Variants in PCDH15 observed in about 807,000 individuals in gnomAD.
The protein encoded by PCDH15 is protocadherin related 15, also known as protocadherin-15.
PCDH15 carries 129 observed loss-of-function variants against 178.5 expected under a neutral mutation model. The ratio of observed to expected loss-of-function variants is 0.72; its 90% CI spans 0.63 to 0.84. The LOEUF (loss-of-function observed/expected upper bound fraction) is 0.84, where lower values mean the gene tolerates loss of function less well. Among genes scored for constraint, PCDH15 ranks in the 40% least tolerant of loss-of-function variants. PCDH15 has a pLI of 0.00. For synonymous variants in PCDH15, 800 were observed against 732.0 expected (o/e 1.09, Z -1.50); for missense variants, 2,230 against 2,099.9 (o/e 1.06, Z -1.21).
Position 53,827,483 on chromosome 10 carries a change from A to C in PCDH15, c.4277T>G (p.Val1426Gly). ...CGCTGCCACTGGTGCAGGAGCCGGC[A>C]CTGCTGGTTTAGCCGCGGGTAATGC... ...QAALPAAKPA[V>G]PAPAPVAAPP... Residue 1426 changes from valine to glycine, a missense_variant, in exon 32 of 38, where the codon GTG becomes GGG. Physicochemically the swap from Val to Gly is moderately radical, Grantham distance 109. Transcript: ENST00000644397. The C allele has an allele frequency of 6.2e-7, 1 of 1,614,090 alleles. No individual in the cohort carries two copies. The highest frequency in any genetic ancestry group is 2.2e-5 in the East Asian group (1 of 44,870).
At chr10:53,894,822 T>C (rs1178346209) in intron 26 of PCDH15, among the ~76,000 whole-genome samples, 14 of 152,152 alleles carry the variant, frequency 9.2e-5, no homozygotes, top group Admixed American at 9.2e-4. Context: ...AAGATATCTG[T>C]GGCACAGAGT....
chr10:54,385,389 T>C (rs1286830020), intron 3 of PCDH15, among the ~76,000 whole-genome samples: 2 of 152,168 alleles, frequency 1.3e-5, no homozygotes. Context: ...AAAAATGTTT[T>C]GTTTCTATAG....
At chr10:54,526,826 T>A (rs994684963) in intron 3 of PCDH15, among the ~76,000 whole-genome samples, 1 of 152,162 alleles carries the variant, frequency 6.6e-6, no homozygotes, top group Admixed American at 6.5e-5. Flanking sequence ...AAAAGGAGCA[T>A]CTGTAATGCA....
At chr10:54,630,187 G>C (rs1565798317) in intron 2 of PCDH15, among the ~76,000 whole-genome samples, 2 of 152,242 alleles carry the variant, frequency 1.3e-5, no homozygotes, top group African/African-American at 4.8e-5. Flanking sequence ...TATGGAACTA[G>C]AAAAGAGCTT....
chr10:54,396,210 T>A (rs1389673126), intron 3 of PCDH15, among the ~76,000 whole-genome samples: 4 of 152,196 alleles, frequency 2.6e-5, no homozygotes, highest in African/African-American at 4.8e-5. Flanking sequence ...ACTTAGCCTT[T>A]ATCTGCCTTT....
chr10:55,177,899 G>A (rs971800074), intron 1 of PCDH15, among the ~76,000 whole-genome samples: 3 of 152,132 alleles, frequency 2.0e-5, no homozygotes, highest in African/African-American at 7.2e-5. Flanking sequence ...GATCCATAAA[G>A]CAGGGTATGC....
chr10:54,302,918 C>A (rs2060228819), intron 8 of PCDH15, among the ~76,000 whole-genome samples: 1 of 152,158 alleles, frequency 6.6e-6, no homozygotes, highest in South Asian at 2.1e-4. Flanking sequence ...CAAAGTGTTT[C>A]ATGTACCCCA....
chr10:55,377,178 A>G (rs1837413791), intron 2 of PCDH15, among the ~76,000 whole-genome samples: 1 of 150,928 alleles, frequency 6.6e-6, no homozygotes, highest in Non-Finnish European at 1.5e-5. Flanking sequence ...AGAAAAACAG[A>G]CTGGAAGTAC....
At chr10:54,890,933 G>A (rs1220632188) in intron 3 of PCDH15, among the ~76,000 whole-genome samples, 1 of 151,924 alleles carries the variant, frequency 6.6e-6, no homozygotes, top group Non-Finnish European at 1.5e-5. Context: ...ATGCTTAATT[G>A]TACATATACA....
intron 20 of PCDH15, among the ~76,000 whole-genome samples, chr10:54,019,656 T>C (rs1051238003): frequency 5.3e-5 from 8 of 152,200 alleles, no homozygotes; most frequent in South Asian, 4.1e-4. Flanking sequence ...TTATAATAAA[T>C]GGGATAACAA....
At chr10:53,968,409 G>T (rs2089286089) in intron 21 of PCDH15, among the ~76,000 whole-genome samples, 1 of 152,186 alleles carries the variant, frequency 6.6e-6, no homozygotes, top group South Asian at 2.1e-4. Flanking sequence ...TGCCTCTGTA[G>T]ACTCCACCTC....
chr10:54,842,728 A>C (rs1400634806), intron 3 of PCDH15, among the ~76,000 whole-genome samples: 2 of 151,862 alleles, frequency 1.3e-5, no homozygotes, highest in Non-Finnish European at 2.9e-5. Context: ...CAGTCAGTAA[A>C]ATTCAACTTT....
intron 3 of PCDH15, among the ~76,000 whole-genome samples, chr10:54,417,657 T>A (rs1434523934): frequency 6.6e-6 from 1 of 152,192 alleles, no homozygotes. Context: ...TATATTAACA[T>A]TATTTGTCTT....
intron 2 of PCDH15, among the ~76,000 whole-genome samples, chr10:54,640,014 G>T (rs1275700885): frequency 6.6e-6 from 1 of 152,088 alleles, no homozygotes; most frequent in Non-Finnish European, 1.5e-5. Flanking sequence ...GAGCCCAGGA[G>T]GTCAAAGCTG....
At chr10:54,724,602 T>A (rs2384523) in intron 1 of PCDH15, among the ~76,000 whole-genome samples, 131,171 of 151,406 alleles carry the variant, frequency 0.87, 57,474 homozygotes, top group Middle Eastern at 0.93. Context: ...AGTTATATGT[T>A]AATTTTGTAT....
At chr10:54,030,855 G>C (rs1456158137) in intron 18 of PCDH15, among the ~76,000 whole-genome samples, 1 of 151,726 alleles carries the variant, frequency 6.6e-6, no homozygotes, top group Non-Finnish European at 1.5e-5. Flanking sequence ...AGTGTCAGTG[G>C]TTTGTTACCA....
chr10:54,528,490 T>C (rs546524413), intron 2 of PCDH15: 1 of 1,023,440 alleles, frequency 9.8e-7, no homozygotes, highest in South Asian at 1.6e-5. Flanking sequence ...ATATATTTAG[T>C]GAGAGATTTA....
At chr10:54,951,151 T>A (rs570972356) in intron 2 of PCDH15, among the ~76,000 whole-genome samples, 86 of 152,006 alleles carry the variant, frequency 5.7e-4, no homozygotes, top group African/African-American at 1.9e-3. Flanking sequence ...GAGAATGACA[T>A]GTGTCCACCA....
At chr10:54,658,561 A>G (rs2094444518) in intron 2 of PCDH15, among the ~76,000 whole-genome samples, 1 of 152,244 alleles carries the variant, frequency 6.6e-6, no homozygotes, top group African/African-American at 2.4e-5. Context: ...AACAAAGTAG[A>G]AAAAAAGTCA....
Sources: allele counts gnomAD v4.1 joint callset (sites outside exome capture counted in the v4.1 genomes callset), GRCh38; gene constraint gnomAD v4.1.1; transcripts MANE v1.5; gene names NCBI Gene and HGNC (gene_info 2026-07-23, HGNC 2026-07-21).